Variants in HSP90AA1 observed in about 807,000 individuals in gnomAD.
The protein encoded by HSP90AA1 is heat shock protein HSP 90-alpha.
HSP90AA1 carries 18 observed loss-of-function variants against 73.3 expected under a neutral mutation model. The observed-to-expected ratio is 0.25, with a 90% CI of 0.17 to 0.36. The LOEUF (loss-of-function observed/expected upper bound fraction) is 0.36, where lower values mean the gene tolerates loss of function less well. HSP90AA1 is among the 10% of genes least tolerant of loss of function. The pLI is 1.00. For synonymous variants in HSP90AA1, 477 were observed against 296.9 expected (o/e 1.61, Z -6.24); for missense variants, 704 against 874.2 (o/e 0.81, Z 2.45).
At position 102,081,079 on chromosome 14, in the gene HSP90AA1, T is replaced by C. The variant is rs986030355; in HGVS notation, c.*633A>G. On this transcript the variant is annotated 3_prime_UTR_variant, in exon 11 of 11. Coordinates refer to ENST00000216281, the MANE Select transcript of HSP90AA1 (RefSeq NM_005348.4). ...AACTCATCTGTATTTGTTACAACTT[T>C]AAGCAGAATGTGACTCGAGCACTAC... 1 of 228,498 alleles carries C rather than the reference T, an allele frequency of 4.4e-6. No individual in the cohort carries two copies. The highest frequency in any genetic ancestry group is 2.2e-5 in the African/African-American group (1 of 45,034). The allele number at this position is 228,498 out of a possible 1,614,324, so 14.2% of individuals were successfully genotyped here. A position where few individuals can be genotyped will look rare whatever the true frequency, so the allele number is the denominator to read the frequency against.
In HSP90AA1 at chr14:102,081,554, C is replaced by T. The variant is rs2049098999; in HGVS notation, c.*158G>A. ...TGCTTTAGTGCCTAAGGTATCACAG[C>T]ATCACTTAGTAGACAGAAATCTTAT... On this transcript the variant is annotated 3_prime_UTR_variant, in exon 11 of 11. Coordinates refer to ENST00000216281, the MANE Select transcript of HSP90AA1 (RefSeq NM_005348.4). 1.6e-6 allele frequency: 1 copy of T among 644,176 alleles called. No individual in the cohort carries two copies. The highest frequency in any genetic ancestry group is 2.7e-5 in the East Asian group (1 of 36,844). 39.9% of individuals were successfully genotyped at this position (644,176 alleles called of 1,614,324 possible).
intron 2 of HSP90AA1, among the ~76,000 whole-genome samples, chr14:102,097,747 T>TC (rs2049443805): frequency 6.6e-6 from 1 of 150,646 alleles, no homozygotes; most frequent in Admixed American, 6.6e-5. Context: ...TAGCCAGGGA[T>TC]CACCTGGCTG....
rs35488162 is a variant in HSP90AA1 at position 102,085,618 on chromosome 14, A to G, written c.529+140T>C. 8.6e-4 allele frequency: 1,157 copies of G among 1,352,776 alleles called. 3 individuals carry two copies. In the African/African-American group the frequency reaches 9.3e-3, roughly 11 times the overall value. 83.8% of individuals were successfully genotyped at this position (1,352,776 alleles called of 1,614,324 possible). ...ACCGCCCACCAAGTCATGCCATTAC[A>G]CTAATTAAGTGCTCTAGCTTGTTCC... is the stretch of plus-strand genomic sequence containing the variant. On this transcript the variant is annotated intron_variant, in intron 3 of 10. Transcript: ENST00000216281.
At chr14:102,130,589 G>A (rs1210145015) in intron 1 of HSP90AA1, among the ~76,000 whole-genome samples, 1 of 152,156 alleles carries the variant, frequency 6.6e-6, no homozygotes, top group Non-Finnish European at 1.5e-5. Context: ...TAACTTTGCA[G>A]AAATGTCTAT....
At chr14:102,086,411 C>G in intron 1 of HSP90AA1, 33 bp from the exon 2 acceptor site, 1 of 1,613,630 alleles carries the variant, frequency 6.2e-7, no homozygotes, top group East Asian at 2.2e-5. Flanking sequence ...TAAAACCTTG[C>G]AGGACGTCTA....
At position 102,083,040 on chromosome 14, in the gene HSP90AA1, A is replaced by G; in HGVS notation, c.1749T>C (p.Val583=). ...AAATGCTGTATTCACATACCTTTTC[A>G]ACTTTTTTCTCCAATATGTCTTTCA... ...KIMKDILEKK[V]EKVVVSNRLV... Residue 583 remains valine, a synonymous_variant, in exon 9 of 11, where the codon GTT becomes GTC. Transcript: ENST00000216281. 6.2e-7 allele frequency: 1 copy of G among 1,613,904 alleles called. No individual in the cohort carries two copies. The highest frequency in any genetic ancestry group is 8.5e-7 in the Non-Finnish European group (1 of 1,179,780).
chr14:102,105,451 C>T (rs1275989177), intron 1 of HSP90AA1, among the ~76,000 whole-genome samples: 1 of 152,060 alleles, frequency 6.6e-6, no homozygotes, highest in African/African-American at 2.4e-5. Context: ...GGCGCCTGAA[C>T]TGAGTAGTAA....
At chr14:102,085,234 T>A in intron 4 of HSP90AA1, 64 bp downstream of exon 4, 1 of 1,534,582 alleles carries the variant, frequency 6.5e-7, no homozygotes, top group Non-Finnish European at 9.0e-7. Flanking sequence ...GGACTAAGGA[T>A]GTAGTACAGT....
intron 1 of HSP90AA1, among the ~76,000 whole-genome samples, chr14:102,109,873 A>C (rs1030845208): frequency 6.6e-6 from 1 of 152,206 alleles, no homozygotes; most frequent in Admixed American, 6.6e-5. Flanking sequence ...AATGAAATCC[A>C]GGCCGAAATG....
At chr14:102,084,615 A>AT in intron 5 of HSP90AA1, 51 bp from the exon 6 acceptor site, 3 of 1,614,178 alleles carry the variant, frequency 1.9e-6, no homozygotes, top group Non-Finnish European at 2.5e-6. Context: ...ATTATAGAAG[A>AT]TATTTGGGGT....
In HSP90AA1 at chr14:102,085,440, G is replaced by C. The variant is rs370510891; in HGVS notation, c.530-9C>G. On this transcript the variant is annotated splice_polypyrimidine_tract_variant and intron_variant, in intron 3 of 10. Transcript: ENST00000216281. Reference sequence around the variant, plus strand: ...ACGACCCATAGGTTCACCTGCAAGAGAAGAAAGAAAAATTGACTTAATACA... The same window carrying C: ...ACGACCCATAGGTTCACCTGCAAGACAAGAAAGAAAAATTGACTTAATACA... The C allele has an allele frequency of 5.2e-5, 80 of 1,550,190 alleles. No homozygotes were observed. The African/African-American group carries it at 1.3e-3, about 25-fold the overall frequency.
chr14:102,115,766 T>G (rs891036966), intron 1 of HSP90AA1, among the ~76,000 whole-genome samples: 8 of 151,862 alleles, frequency 5.3e-5, no homozygotes, highest in African/African-American at 1.9e-4. Context: ...AAAGAAAAAT[T>G]TATCTGATTC....
Position 102,087,041 on chromosome 14 carries a change from A to C in HSP90AA1, c.-56T>G. On this transcript the variant is annotated 5_prime_UTR_variant, in exon 1 of 11. Transcript: ENST00000216281. ...CACAGCCACACCGGGACGCTGAAGC[A>C]ACTGACGCGCCACCCCCGCGCCTGC... 1 of 985,230 alleles carries C rather than the reference A, an allele frequency of 1.0e-6. No individual in the cohort carries two copies. The highest frequency in any genetic ancestry group is 1.1e-4 in the East Asian group (1 of 8,748). 61.0% of individuals were successfully genotyped at this position (985,230 alleles called of 1,614,324 possible).
chr14:102,093,747 T>C (rs2081849772), intron 2 of HSP90AA1, among the ~76,000 whole-genome samples: 1 of 151,534 alleles, frequency 6.6e-6, no homozygotes, highest in Non-Finnish European at 1.5e-5. Flanking sequence ...CCGAGGCGAG[T>C]GGATCACCTG....
chr14:102,092,890 C>T (rs930934834), intron 2 of HSP90AA1, among the ~76,000 whole-genome samples: 1 of 151,818 alleles, frequency 6.6e-6, no homozygotes, highest in Non-Finnish European at 1.5e-5. Context: ...AGCTGGGACA[C>T]GTGCGCCACC....
At chr14:102,084,315 G>A (rs1051697141) in intron 6 of HSP90AA1, 84 bp downstream of exon 6, 14 of 1,310,806 alleles carry the variant, frequency 1.1e-5, no homozygotes, top group Middle Eastern at 1.8e-4. Context: ...CAAAGTGCTA[G>A]GATTATAGGT....
chr14:102,085,741 A>C lies in HSP90AA1; in HGVS notation c.529+17T>G, dbSNP rs1321007764. 2.5e-6 allele frequency: 4 copies of C among 1,613,832 alleles called. No individual in the cohort carries two copies. The African/African-American group carries it at 4.0e-5, about 16-fold the overall frequency. Reference sequence around the variant, plus strand: ...CCTTCCACCGCTCACTTAACCAGTGAATGTTCAGGTGCCTACCTGTGTCTG... The same window carrying C: ...CCTTCCACCGCTCACTTAACCAGTGCATGTTCAGGTGCCTACCTGTGTCTG... On this transcript the variant is annotated intron_variant, in intron 3 of 10. Coordinates refer to ENST00000216281, the MANE Select transcript of HSP90AA1 (RefSeq NM_005348.4).
intron 1 of HSP90AA1, among the ~76,000 whole-genome samples, chr14:102,111,062 A>G (rs2049635801): frequency 6.6e-6 from 1 of 152,218 alleles, no homozygotes; most frequent in South Asian, 2.1e-4. Context: ...AAAGTTTGGA[A>G]AATTTGCAGC....
chr14:102,101,056 TC>T (rs781379502), intron 2 of HSP90AA1, among the ~76,000 whole-genome samples: 7 of 152,298 alleles, frequency 4.6e-5, no homozygotes, highest in African/African-American at 7.2e-5. Context: ...GGGCTGTGGC[TC>T]CAGAGATGCT....
Sources: allele counts gnomAD v4.1 joint callset (sites outside exome capture counted in the v4.1 genomes callset), GRCh38; gene constraint gnomAD v4.1.1; transcripts MANE v1.5; gene names NCBI Gene and HGNC (gene_info 2026-07-23, HGNC 2026-07-21).